ZNF570: variants seen among roughly 807,000 people sequenced by gnomAD.
The protein encoded by ZNF570 is zinc finger protein 570.
Under a neutral mutation model 14.2 loss-of-function variants are expected in ZNF570, and 8 were observed. That is an observed-to-expected ratio of 0.56 (90% confidence interval 0.33 to 1.02). The LOEUF (loss-of-function observed/expected upper bound fraction) is 1.02. ZNF570 is among the 50% of genes least tolerant of loss of function. The pLI is 0.03. For synonymous variants in ZNF570, 202 were observed against 207.6 expected (o/e 0.97, Z 0.23); for missense variants, 559 against 624.9 (o/e 0.89, Z 1.12).
upstream of ZNF570, among the ~76,000 whole-genome samples, chr19:37,468,698 G>T (rs772475117): frequency 3.5e-4 from 54 of 152,220 alleles, 1 homozygote; most frequent in South Asian, 3.9e-3. Context: ...AGTAGAGACG[G>T]GGTTTCACCA....
At chr19:37,482,604 C>T (rs181887277) in intron 4 of ZNF570, among the ~76,000 whole-genome samples, 6 of 152,302 alleles carry the variant, frequency 3.9e-5, no homozygotes, top group African/African-American at 1.2e-4. Flanking sequence ...CATTTCAACA[C>T]GAGATTTGGA....
At position 37,482,510 on chromosome 19, in the gene ZNF570, G is replaced by A. The variant is rs143960932; in HGVS notation, c.257-1369G>A. Among the ~76,000 whole-genome samples, 1,088 of 152,256 alleles carry A rather than the reference G, an allele frequency of 7.1e-3. 7 individuals are homozygous for A. The highest frequency in any genetic ancestry group is 0.01 in the Middle Eastern group (3 of 294). On this transcript the variant is annotated intron_variant, in intron 4 of 4. Coordinates refer to ENST00000330173, the MANE Select transcript of ZNF570 (RefSeq NM_144694.5). ...ATTCGCTATCATGACACTACCAACA[G>A]GATGGTACTAAACCATTCGTGAGGA... is the stretch of plus-strand genomic sequence containing the variant.
At chr19:37,480,256 C>A (rs1031236717) in intron 4 of ZNF570, among the ~76,000 whole-genome samples, 1 of 152,130 alleles carries the variant, frequency 6.6e-6, no homozygotes, top group African/African-American at 2.4e-5. Flanking sequence ...GAGGCCGAGG[C>A]GGGTGGATCA....
Position 37,484,913 on chromosome 19 carries a change from C to T in ZNF570, c.1291C>T (p.Gln431Ter). ...ATTCAGCCAGATTGCCTACCTTGCT[C>T]AGCATCAAAGAGTTCATACTGGAGA... ...KAFSQIAYLA[Q>*]HQRVHTGEKP... The change falls in exon 5 of 5, where the codon CAG becomes TAG. Residue 431 changes from glutamine to a stop codon, truncating the protein, a stop_gained. Transcript: ENST00000330173. LOFTEE classifies it low-confidence loss of function (END_TRUNC). 6 of 1,614,026 alleles carry T rather than the reference C, an allele frequency of 3.7e-6. No individual in the cohort carries two copies. Among genetic ancestry groups the T allele is most frequent in the Non-Finnish European group, 4.2e-6 (5 of 1,180,026 alleles).
intron 2 of ZNF570, among the ~76,000 whole-genome samples, chr19:37,474,015 G>A (rs987512148): frequency 4.6e-5 from 7 of 152,330 alleles, no homozygotes; most frequent in East Asian, 1.9e-4. Flanking sequence ...TACAAGGAAT[G>A]TGGGGAATAA....
At chr19:37,471,914 A>ATT (rs34142052) in intron 2 of ZNF570, among the ~76,000 whole-genome samples, 147 of 133,538 alleles carry the variant, frequency 1.1e-3, no homozygotes, top group East Asian at 6.8e-3. Flanking sequence ...TCAGACTACT[A>ATT]TTTTTTTTTT....
chr19:37,467,858 T>A, upstream of ZNF570: 1 of 1,535,904 alleles, frequency 6.5e-7, no homozygotes, highest in East Asian at 2.4e-5. Context: ...CTCGTGGCTG[T>A]TTGATTCTGA....
upstream of ZNF570, chr19:37,468,987 C>T: frequency 1.1e-6 from 1 of 930,510 alleles, no homozygotes; most frequent in East Asian, 1.2e-4. Flanking sequence ...AAACCTTTTC[C>T]CTGCGGCCAA....
In ZNF570 at chr19:37,484,622, G is replaced by A. The variant is rs762128010; in HGVS notation, c.1000G>A (p.Glu334Lys). Reference sequence around the variant, plus strand: ...GGGAGAGAAACCCTATGAATGTATCGAATGTGGGAAAGCATTTAGCAACAG... The same window carrying A: ...GGGAGAGAAACCCTATGAATGTATCAAATGTGGGAAAGCATTTAGCAACAG... ...HTGEKPYECI[E>K]CGKAFSNRSS... is the part of the protein sequence containing the mutation. Residue 334 changes from glutamate to lysine, a missense_variant, in exon 5 of 5, where the codon GAA becomes AAA. Glu to Lys is a moderately conservative substitution (Grantham distance 56, BLOSUM62 1). Transcript: ENST00000330173. 29 of 1,613,832 alleles carry A rather than the reference G, an allele frequency of 1.8e-5. No homozygotes were observed. In the Middle Eastern group the frequency reaches 4.9e-4, roughly 27 times the overall value.
At chr19:37,473,976 G>T (rs1286522959) in intron 2 of ZNF570, among the ~76,000 whole-genome samples, 1 of 152,166 alleles carries the variant, frequency 6.6e-6, no homozygotes, top group African/African-American at 2.4e-5. Context: ...GAGCAAAGAG[G>T]TGACCTGCCT....
At position 37,469,576 on chromosome 19, in the gene ZNF570, G is replaced by C. The variant is rs762642401; in HGVS notation, c.-52+19G>C. 14 of 1,535,202 alleles carry C rather than the reference G, an allele frequency of 9.1e-6. No homozygotes were observed. Among genetic ancestry groups the C allele is most frequent in the Non-Finnish European group, 1.1e-5 (13 of 1,145,982 alleles). ...AGTGGAGGTTGGTACCGTTCAGTGC[G>C]AGGCTGTCACCCCGTGTGCCTGTCC... On this transcript the variant is annotated intron_variant, in intron 1 of 4. Coordinates refer to ENST00000330173, the MANE Select transcript of ZNF570 (RefSeq NM_144694.5).
At chr19:37,474,680 G>A (rs1302150714) in intron 2 of ZNF570, among the ~76,000 whole-genome samples, 1 of 151,830 alleles carries the variant, frequency 6.6e-6, no homozygotes, top group Non-Finnish European at 1.5e-5. Flanking sequence ...GGCTGTTCTG[G>A]AACTCCTGAC....
chr19:37,484,082 G>T lies in ZNF570; in HGVS notation c.460G>T (p.Glu154Ter). The part of the protein sequence containing the change: ...ACFKEEIITH[E>*]EPLFDEREQE... The stretch of plus-strand genomic sequence containing the variant: ...TTTCAAGGAAGAGATAATCACTCAT[G>T]AAGAACCCCTTTTTGATGAGAGAGA... Residue 154 changes from glutamate to a stop codon, truncating the protein, a stop_gained, in exon 5 of 5, where the codon GAA (glutamate) becomes TAA (stop). Coordinates refer to ENST00000330173, the MANE Select transcript of ZNF570 (RefSeq NM_144694.5). LOFTEE classifies it low-confidence loss of function (END_TRUNC). The T allele has an allele frequency of 6.2e-7, 1 of 1,614,064 alleles. No individual in the cohort carries two copies. Among genetic ancestry groups the T allele is most frequent in the Non-Finnish European group, 8.5e-7 (1 of 1,179,998 alleles).
chr19:37,469,500 C>T lies in ZNF570; in HGVS notation c.-109C>T. ...AGGTCGGGAGTGGGCTGAGGAGTGGCGTGTGGGTCTCCGGAAGCTCGTCGC... is the reference window on the plus strand; with the variant it reads ...AGGTCGGGAGTGGGCTGAGGAGTGGTGTGTGGGTCTCCGGAAGCTCGTCGC... On this transcript the variant is annotated 5_prime_UTR_variant, in exon 1 of 5. Transcript: ENST00000330173. The T allele has an allele frequency of 6.5e-7, 1 of 1,536,486 alleles. No individual in the cohort carries two copies. Among genetic ancestry groups the T allele is most frequent in the Non-Finnish European group, 8.7e-7 (1 of 1,146,898 alleles).
At chr19:37,473,964 A>G (rs1272259108) in intron 2 of ZNF570, among the ~76,000 whole-genome samples, 1 of 152,244 alleles carries the variant, frequency 6.6e-6, no homozygotes, top group Non-Finnish European at 1.5e-5. Context: ...GTTTGGAAAT[A>G]AGAGCAAAGA....
At position 37,484,903 on chromosome 19, in the gene ZNF570, C is replaced by T; in HGVS notation, c.1281C>T (p.Ala427=). The T allele has an allele frequency of 3.1e-6, 5 of 1,613,226 alleles. No homozygotes were observed. The highest frequency in any genetic ancestry group is 4.2e-6 in the Non-Finnish European group (5 of 1,179,820). The stretch of plus-strand genomic sequence containing the variant: ...GTAGGAAAGCATTCAGCCAGATTGC[C>T]TACCTTGCTCAGCATCAAAGAGTTC... ...QECRKAFSQI[A]YLAQHQRVHT... Residue 427 remains alanine, a synonymous_variant, in exon 5 of 5, where the codon GCC becomes GCT. Transcript: ENST00000330173.
Position 37,486,752 on chromosome 19 carries a change from G to T in ZNF570, c.*1519G>T, listed in dbSNP as rs1435265439. On this transcript the variant is annotated 3_prime_UTR_variant, in exon 5 of 5. Coordinates refer to ENST00000330173, the MANE Select transcript of ZNF570 (RefSeq NM_144694.5). Reference sequence around the variant, plus strand: ...TAACACTGACAGCCAGTTTTAGGAAGTTTCTACAGATAATGAATTGGATAA... The same window carrying T: ...TAACACTGACAGCCAGTTTTAGGAATTTTCTACAGATAATGAATTGGATAA... The T allele has an allele frequency of 6.6e-6, 1 of 152,168 alleles. No individual in the cohort carries two copies. The highest frequency in any genetic ancestry group is 6.6e-5 in the Admixed American group (1 of 15,266). 9.4% of individuals were successfully genotyped at this position (152,168 alleles called of 1,614,324 possible).
At chr19:37,468,882 T>G, upstream of ZNF570, 13 of 154,542 alleles carry the variant, frequency 8.4e-5, no homozygotes, top group South Asian at 2.2e-4. Context: ...CCCACCCCGC[T>G]CCCCTCCCAA....
In ZNF570 at chr19:37,484,480, T is replaced by A; in HGVS notation, c.858T>A (p.Asn286Lys). The change falls in exon 5 of 5, where the codon AAT (asparagine) becomes AAA (lysine). Residue 286 changes from asparagine to lysine, a missense_variant. By Grantham distance (94) the Asn-to-Lys change is moderately conservative. Transcript: ENST00000330173. ...CKECRKAFSQ[N>K]AHLVQHLRVH... is the part of the protein sequence containing the mutation. ...AATGTAGGAAAGCCTTCAGTCAGAATGCACACCTAGTTCAACATCTGCGAG... is the reference window on the plus strand; with the variant it reads ...AATGTAGGAAAGCCTTCAGTCAGAAAGCACACCTAGTTCAACATCTGCGAG... The A allele has an allele frequency of 6.2e-7, 1 of 1,613,920 alleles. No individual in the cohort carries two copies. Among genetic ancestry groups the A allele is most frequent in the Non-Finnish European group, 8.5e-7 (1 of 1,179,922 alleles).
Sources: gnomAD v4.1 joint callset for allele counts (sites outside exome capture counted in the v4.1 genomes callset) on GRCh38, gnomAD v4.1.1 for gene constraint, MANE v1.5 for transcripts, NCBI Gene and HGNC (gene_info 2026-07-23, HGNC 2026-07-21) for gene names.